Variants in NALF1 observed in about 807,000 individuals in gnomAD.
NALF1 encodes family with sequence similarity 155 member A.
In NALF1, 3 loss-of-function variants were observed where a neutral mutation model predicts 48.4. That is an observed-to-expected ratio of 0.06 (90% CI 0.03 to 0.16). The LOEUF (loss-of-function observed/expected upper bound fraction) is 0.16, where lower values mean the gene tolerates loss of function less well. Among genes scored for constraint, NALF1 ranks in the 10% least tolerant of loss-of-function variants. The pLI is 1.00. For missense variants in NALF1, 526 were observed against 571.5 expected, an observed-to-expected ratio of 0.92 and a Z score of 0.81; for synonymous variants, 262 against 245.7, an observed-to-expected ratio of 1.07 and a Z score of -0.62.
rs1352963636 is a variant in NALF1 at position 107,362,797 on chromosome 13, T to C, written c.916-152042A>G. 6.6e-6 allele frequency among the ~76,000 whole-genome samples: 1 copy of C among 152,160 alleles called. No individual in the cohort carries two copies. Among genetic ancestry groups the C allele is most frequent in the African/African-American group, 2.4e-5 (1 of 41,444 alleles). ...TTTCCCATAGGTGAGCATGTACCTG[T>C]CTGAGTGGGCACACATATGGAGCAA... is the stretch of plus-strand genomic sequence containing the variant. On this transcript the variant is annotated intron_variant, in intron 1 of 2. Transcript: ENST00000375915. The surrounding 1 kb of genome is among the most constrained non-coding windows in gnomAD (Gnocchi z 4.6).
chr13:107,363,853 G>A (rs1004012169), intron 1 of NALF1, among the ~76,000 whole-genome samples: 13 of 152,108 alleles, frequency 8.5e-5, no homozygotes, highest in African/African-American at 3.1e-4. Context: ...TTCATGTTGT[G>A]TTTTCTAACC....
intron 1 of NALF1, among the ~76,000 whole-genome samples, chr13:107,378,283 T>C (rs1019241800): frequency 1.3e-5 from 2 of 152,186 alleles, no homozygotes; most frequent in African/African-American, 4.8e-5. Flanking sequence ...CTTCAAGAAA[T>C]ATCACTAATG....
At chr13:107,267,882 G>A (rs1189203926) in intron 1 of NALF1, among the ~76,000 whole-genome samples, 2 of 152,034 alleles carry the variant, frequency 1.3e-5, no homozygotes, top group East Asian at 3.9e-4. Flanking sequence ...ACAAAGGGAG[G>A]ATTCACGTCT....
At chr13:107,215,548 G>A (rs1001644123) in intron 1 of NALF1, among the ~76,000 whole-genome samples, 5 of 152,088 alleles carry the variant, frequency 3.3e-5, no homozygotes, top group Admixed American at 2.6e-4. Flanking sequence ...CACAGCCTCC[G>A]GAGACAGACC....
chr13:107,223,155 C>A (rs1215880654), intron 1 of NALF1, among the ~76,000 whole-genome samples: 1 of 152,170 alleles, frequency 6.6e-6, no homozygotes, highest in Non-Finnish European at 1.5e-5. Context: ...GGCATAGCAT[C>A]AGTTTCTAGA....
At chr13:107,325,932 T>A (rs1383135207) in intron 1 of NALF1, among the ~76,000 whole-genome samples, 1 of 138,860 alleles carries the variant, frequency 7.2e-6, no homozygotes, top group African/African-American at 2.6e-5. Context: ...CACACATATA[T>A]ACAACACACA....
At chr13:107,299,858 G>A (rs769580323) in intron 1 of NALF1, among the ~76,000 whole-genome samples, 1 of 151,994 alleles carries the variant, frequency 6.6e-6, no homozygotes, top group African/African-American at 2.4e-5. Context: ...GGCTTTCTTT[G>A]GACACACCCG....
rs141424029 is a variant in NALF1 at position 107,336,977 on chromosome 13, C to T, written c.916-126222G>A. On this transcript the variant is annotated intron_variant, in intron 1 of 2. Transcript: ENST00000375915. ...ATGACAGAAATCTCTGTTAGAAACCCGCATTGTTCTTCTTTTATCCCAAAT... is the reference window on the plus strand; with the variant it reads ...ATGACAGAAATCTCTGTTAGAAACCTGCATTGTTCTTCTTTTATCCCAAAT... 3.3e-3 allele frequency among the ~76,000 whole-genome samples: 488 copies of T among 147,380 alleles called. 3 individuals are homozygous for T. Among genetic ancestry groups the T allele is most frequent in the African/African-American group, 0.011 (422 of 39,598 alleles).
chr13:107,336,590 C>A, intron 1 of NALF1, among the ~76,000 whole-genome samples: 1 of 152,086 alleles, frequency 6.6e-6, no homozygotes, highest in Non-Finnish European at 1.5e-5. Flanking sequence ...GGAAGACAAG[C>A]TGGGCAAACT....
At chr13:107,278,491 T>G (rs140622552) in intron 1 of NALF1, among the ~76,000 whole-genome samples, 17 of 152,346 alleles carry the variant, frequency 1.1e-4, no homozygotes, top group African/African-American at 3.6e-4. Flanking sequence ...TTATAGTCCT[T>G]AACCCTCATA....
At chr13:107,717,776 T>A (rs1350243804) in intron 1 of NALF1, among the ~76,000 whole-genome samples, 1 of 152,202 alleles carries the variant, frequency 6.6e-6, no homozygotes. Flanking sequence ...AAATTTCCAA[T>A]CTTAGCCTCT....
Sources: allele counts gnomAD v4.1 joint callset (sites outside exome capture counted in the v4.1 genomes callset), GRCh38; gene constraint gnomAD v4.1.1; non-coding constraint Gnocchi (gnomAD v3.1); transcripts MANE v1.5; gene names NCBI Gene and HGNC (gene_info 2026-07-23, HGNC 2026-07-21).